Variants in BABAM2 observed in about 807,000 individuals in gnomAD.
The protein encoded by BABAM2 is BRISC and BRCA1 A complex member 2, also known as BRISC and BRCA1-A complex member 2.
BABAM2 carries 31 observed loss-of-function variants against 54.7 expected under a neutral mutation model. That is an observed-to-expected ratio of 0.57 (90% CI 0.43 to 0.77). The LOEUF (loss-of-function observed/expected upper bound fraction) is 0.77, where lower values mean the gene tolerates loss of function less well. BABAM2 is among the 30% of genes least tolerant of loss of function. The pLI is 0.00. For synonymous variants in BABAM2, 167 were observed against 162.9 expected (o/e 1.03, Z -0.19); for missense variants, 364 against 455.8 (o/e 0.80, Z 1.83).
intron 4 of BABAM2, among the ~76,000 whole-genome samples, chr2:27,998,054 G>A (rs1377869062): frequency 6.6e-6 from 1 of 152,126 alleles, no homozygotes; most frequent in East Asian, 1.9e-4. Context: ...TCAGGAGGCT[G>A]AGGGAGGAGA....
In BABAM2 at chr2:28,219,824, G is replaced by T. The variant is rs569379803; in HGVS notation, c.681-17378G>T. On this transcript the variant is annotated intron_variant, in intron 7 of 11. Transcript: ENST00000379624. ...GTGCTTGAAGGTTGCTTGAGCCGCT[G>T]CGGAGCCAAGCAAGCACGTAGGGTT... 4.3e-3 allele frequency among the ~76,000 whole-genome samples: 660 copies of T among 152,270 alleles called. 16 individuals carry two copies. Among genetic ancestry groups the T allele is most frequent in the Non-Finnish European group, 1.9e-3 (126 of 68,014 alleles).
chr2:28,133,519 G>A (rs11692928), intron 7 of BABAM2, among the ~76,000 whole-genome samples: 2 of 151,976 alleles, frequency 1.3e-5, no homozygotes, highest in Non-Finnish European at 2.9e-5. Flanking sequence ...AGAGGCTCAG[G>A]AGAGACCAAT....
At chr2:28,272,167 G>A (rs1257801857) in intron 10 of BABAM2, among the ~76,000 whole-genome samples, 1 of 152,176 alleles carries the variant, frequency 6.6e-6, no homozygotes, top group Non-Finnish European at 1.5e-5. Flanking sequence ...CCAGCTTACT[G>A]TTCAAAAAGC....
At chr2:28,013,543 C>T (rs1039301209) in intron 4 of BABAM2, among the ~76,000 whole-genome samples, 7 of 151,470 alleles carry the variant, frequency 4.6e-5, no homozygotes, top group Non-Finnish European at 7.4e-5. Flanking sequence ...ATGTCCTCCT[C>T]AAGAATATAT....
intron 10 of BABAM2, among the ~76,000 whole-genome samples, chr2:28,285,247 A>G (rs958213397): frequency 1.3e-5 from 2 of 152,228 alleles, no homozygotes; most frequent in Non-Finnish European, 2.9e-5. Flanking sequence ...AGAGGAGCAC[A>G]GAGGTCAGTT....
chr2:28,329,280 T>C lies in BABAM2; in HGVS notation c.1089-9170T>C, dbSNP rs1690747469. Among the ~76,000 whole-genome samples the C allele has an allele frequency of 6.6e-6, 1 of 152,236 alleles. No homozygotes were observed. Among genetic ancestry groups the C allele is most frequent in the African/African-American group, 2.4e-5 (1 of 41,454 alleles). On this transcript the variant is annotated intron_variant, in intron 11 of 11. Transcript: ENST00000379624. The surrounding 1 kb of genome is among the most constrained non-coding windows in gnomAD (Gnocchi z 4.2). ...CTATGGCACTTTTTGCTCGGGGCTCTGCAGCGTTCACTAACCCTACCCCAT... is the reference window on the plus strand; with the variant it reads ...CTATGGCACTTTTTGCTCGGGGCTCCGCAGCGTTCACTAACCCTACCCCAT...
At chr2:28,035,639 A>G (rs1015593136) in intron 5 of BABAM2, among the ~76,000 whole-genome samples, 1 of 152,166 alleles carries the variant, frequency 6.6e-6, no homozygotes, top group Non-Finnish European at 1.5e-5. Context: ...AAATAAATGA[A>G]CCATGACAGT....
chr2:28,190,383 A>G (rs1189236180), intron 7 of BABAM2, among the ~76,000 whole-genome samples: 3 of 152,134 alleles, frequency 2.0e-5, no homozygotes, highest in Non-Finnish European at 4.4e-5. Flanking sequence ...AGCTCCCTGT[A>G]GTCTCTTTTA....
intron 2 of BABAM2, among the ~76,000 whole-genome samples, chr2:27,916,074 T>A (rs1666945156): frequency 6.6e-6 from 1 of 152,216 alleles, no homozygotes; most frequent in Non-Finnish European, 1.5e-5. Flanking sequence ...CAGGGTGAGA[T>A]CAAAGCTCTG....
intron 6 of BABAM2, among the ~76,000 whole-genome samples, chr2:28,052,306 T>C (rs1678058976): frequency 6.9e-6 from 1 of 145,590 alleles, no homozygotes; most frequent in East Asian, 2.1e-4. Context: ...TTTTTTCCAA[T>C]AGACAGAGTC....
chr2:27,939,922 G>T (rs774365519), intron 3 of BABAM2, among the ~76,000 whole-genome samples: 19 of 152,262 alleles, frequency 1.2e-4, no homozygotes, highest in Middle Eastern at 3.4e-3. Flanking sequence ...AAGATCAGAA[G>T]ATTATAGTAC....
At chr2:28,206,919 A>C (rs1678908779) in intron 7 of BABAM2, among the ~76,000 whole-genome samples, 1 of 152,188 alleles carries the variant, frequency 6.6e-6, no homozygotes, top group Admixed American at 6.5e-5. Context: ...GAAGGAGGAG[A>C]GGGAAAGAAT....
intron 7 of BABAM2, among the ~76,000 whole-genome samples, chr2:28,205,018 G>A (rs1678687292): frequency 6.6e-6 from 1 of 150,822 alleles, no homozygotes; most frequent in South Asian, 2.1e-4. Flanking sequence ...AGATTCTGCT[G>A]TCATTCTTTT....
At chr2:28,133,721 A>G (rs1670285851) in intron 7 of BABAM2, among the ~76,000 whole-genome samples, 2 of 152,230 alleles carry the variant, frequency 1.3e-5, no homozygotes. Flanking sequence ...ATTGGAAAAG[A>G]AAAGGGCTAC....
chr2:28,033,039 T>C (rs1676412559), intron 5 of BABAM2, among the ~76,000 whole-genome samples: 1 of 152,144 alleles, frequency 6.6e-6, no homozygotes, highest in African/African-American at 2.4e-5. Context: ...GATATTCCAT[T>C]ACCACAAAGA....
chr2:28,265,296 G>A (rs560568674), intron 10 of BABAM2, among the ~76,000 whole-genome samples: 28 of 152,230 alleles, frequency 1.8e-4, no homozygotes, highest in African/African-American at 5.8e-4. Flanking sequence ...GCATGGTGGC[G>A]CACGCCTGTA....
intron 3 of BABAM2, among the ~76,000 whole-genome samples, chr2:27,940,921 C>T (rs1464863547): frequency 6.6e-6 from 1 of 152,134 alleles, no homozygotes; most frequent in Non-Finnish European, 1.5e-5. Context: ...TCTAACCGCC[C>T]CTCCACCCCA....
At chr2:27,936,117 A>G (rs1378654755) in intron 3 of BABAM2, among the ~76,000 whole-genome samples, 2 of 152,012 alleles carry the variant, frequency 1.3e-5, no homozygotes, top group African/African-American at 4.8e-5. Context: ...ACGGGGCTTC[A>G]CCATATTAGC....
At chr2:27,978,231 G>A (rs111243122) in intron 3 of BABAM2, among the ~76,000 whole-genome samples, 4 of 152,138 alleles carry the variant, frequency 2.6e-5, no homozygotes, top group African/African-American at 7.2e-5. Context: ...TTAAAAGAGC[G>A]TGGCACCTCC....
Sources: allele counts gnomAD v4.1 joint callset (sites outside exome capture counted in the v4.1 genomes callset), GRCh38; gene constraint gnomAD v4.1.1; non-coding constraint Gnocchi (gnomAD v3.1); transcripts MANE v1.5; gene names NCBI Gene and HGNC (gene_info 2026-07-23, HGNC 2026-07-21).